Variants in PDE8B observed in about 807,000 individuals in gnomAD.
PDE8B encodes phosphodiesterase 8B.
PDE8B carries 26 observed loss-of-function variants against 101.3 expected under a neutral mutation model. The observed-to-expected ratio is 0.26, with a 90% confidence interval of 0.19 to 0.36. The LOEUF (loss-of-function observed/expected upper bound fraction) is 0.36, where lower values mean the gene tolerates loss of function less well. Among genes scored for constraint, PDE8B ranks in the 10% least tolerant of loss-of-function variants. PDE8B has a pLI of 1.00. For synonymous variants in PDE8B, 424 were observed against 429.3 expected (o/e 0.99, Z 0.15); for missense variants, 810 against 1,163.1 (o/e 0.70, Z 4.42).
the PDE8B span, among the ~76,000 whole-genome samples, chr5:77,183,539 T>C: frequency 9.2e-5 from 14 of 152,180 alleles, no homozygotes; most frequent in Middle Eastern, 3.2e-3. Flanking sequence ...CCAAGCGACA[T>C]GCAAGAAGGA....
chr5:77,298,826 T>C (rs1368412649), intron 1 of PDE8B, among the ~76,000 whole-genome samples: 1 of 152,218 alleles, frequency 6.6e-6, no homozygotes, highest in Non-Finnish European at 1.5e-5. Flanking sequence ...CCTCTTCAAA[T>C]CTGAGGGTGA....
At chr5:77,389,735 T>G (rs1789507946) in intron 10 of PDE8B, among the ~76,000 whole-genome samples, 1 of 152,196 alleles carries the variant, frequency 6.6e-6, no homozygotes, top group Non-Finnish European at 1.5e-5. Context: ...CACGGTTGGC[T>G]TCTCTCACTC....
At chr5:77,207,642 G>A (rs899181766), upstream of PDE8B, among the ~76,000 whole-genome samples, 1 of 152,170 alleles carries the variant, frequency 6.6e-6, no homozygotes, top group Non-Finnish European at 1.5e-5. Context: ...ATGCATTGAA[G>A]TGGTCAGTGG....
the PDE8B span, among the ~76,000 whole-genome samples, chr5:77,202,042 A>G: frequency 1.3e-5 from 2 of 152,132 alleles, no homozygotes; most frequent in South Asian, 4.2e-4. Context: ...CACCAGTCTT[A>G]TTGGATTAGG....
At chr5:77,123,844 G>A in the PDE8B span, among the ~76,000 whole-genome samples, 37 of 152,338 alleles carry the variant, frequency 2.4e-4, no homozygotes, top group African/African-American at 7.5e-4. Flanking sequence ...ATAGTTCTGT[G>A]TAAGCTGTGA....
At chr5:77,389,741 C>T (rs1789511332) in intron 10 of PDE8B, among the ~76,000 whole-genome samples, 1 of 152,160 alleles carries the variant, frequency 6.6e-6, no homozygotes. Flanking sequence ...TGGCTTCTCT[C>T]ACTCATAATG....
chr5:77,331,100 TC>T (rs1777032449), intron 4 of PDE8B, among the ~76,000 whole-genome samples: 2 of 152,206 alleles, frequency 1.3e-5, no homozygotes, highest in African/African-American at 4.8e-5. Context: ...ATGGGACTGC[TC>T]CCATACATGT....
At chr5:77,255,209 C>T (rs1758853173) in intron 1 of PDE8B, among the ~76,000 whole-genome samples, 3 of 152,124 alleles carry the variant, frequency 2.0e-5, no homozygotes, top group African/African-American at 7.2e-5. Flanking sequence ...CATCTGTTCC[C>T]CAACCAGGCT....
the PDE8B span, among the ~76,000 whole-genome samples, chr5:77,161,254 C>A: frequency 6.6e-6 from 1 of 152,042 alleles, no homozygotes; most frequent in African/African-American, 2.4e-5. Context: ...TTTTAGGTTA[C>A]TTTTTTCCTA....
intron 6 of PDE8B, among the ~76,000 whole-genome samples, chr5:77,340,053 C>T (rs943856321): frequency 2.6e-5 from 4 of 152,272 alleles, no homozygotes; most frequent in African/African-American, 7.2e-5. Context: ...GATGTTCTTA[C>T]ACCTCTTTAT....
chr5:77,294,675 G>A (rs1460566756), intron 1 of PDE8B, among the ~76,000 whole-genome samples: 8 of 151,480 alleles, frequency 5.3e-5, no homozygotes, highest in Admixed American at 3.3e-4. Context: ...AAAAATCTAG[G>A]AAAGGAAGGT....
the PDE8B span, among the ~76,000 whole-genome samples, chr5:77,135,716 C>G: frequency 4.6e-5 from 7 of 151,864 alleles, no homozygotes; most frequent in Non-Finnish European, 7.4e-5. Context: ...ACCTCGTGAT[C>G]CACCCGCCTC....
chr5:77,182,400 C>G, the PDE8B span, among the ~76,000 whole-genome samples: 16 of 152,166 alleles, frequency 1.1e-4, no homozygotes, highest in South Asian at 3.3e-3. Flanking sequence ...TTAGAATGCA[C>G]TGGGAAGGAT....
the PDE8B span, among the ~76,000 whole-genome samples, chr5:77,191,757 G>C: frequency 6.6e-6 from 1 of 152,136 alleles, no homozygotes; most frequent in Non-Finnish European, 1.5e-5. Context: ...ATTGTTTCGG[G>C]TTGATTCAAG....
chr5:77,112,635 T>A, the PDE8B span: 1 of 152,146 alleles, frequency 6.6e-6, no homozygotes. Context: ...TCTCACTACT[T>A]CTATTCAACA....
chr5:77,171,140 G>T, the PDE8B span, among the ~76,000 whole-genome samples: 1 of 152,200 alleles, frequency 6.6e-6, no homozygotes, highest in East Asian at 1.9e-4. Flanking sequence ...ATTTACGAAG[G>T]CGAATTCATT....
intron 3 of PDE8B, 112 bp downstream of exon 3, chr5:77,325,841 GTT>G: frequency 2.5e-6 from 2 of 796,220 alleles, no homozygotes; most frequent in Non-Finnish European, 4.2e-6. Context: ...ATGCGTTGAT[GTT>G]TTTAAGCAGT....
intron 1 of PDE8B, among the ~76,000 whole-genome samples, chr5:77,281,023 G>A (rs891471721): frequency 5.9e-5 from 9 of 152,254 alleles, no homozygotes; most frequent in African/African-American, 1.9e-4. Flanking sequence ...TCCACCTGCC[G>A]AGGGGCTGGA....
intron 1 of PDE8B, among the ~76,000 whole-genome samples, chr5:77,219,574 C>G (rs1260886508): frequency 6.6e-6 from 1 of 152,154 alleles, no homozygotes; most frequent in East Asian, 1.9e-4. Flanking sequence ...CTCCAGGGTT[C>G]CTGCTGAGGG....
Sources: gnomAD v4.1 joint callset for allele counts (sites outside exome capture counted in the v4.1 genomes callset) on GRCh38, gnomAD v4.1.1 for gene constraint, MANE v1.5 for transcripts, NCBI Gene and HGNC (gene_info 2026-07-23, HGNC 2026-07-21) for gene names.